Variants in ST6GALNAC3 observed in about 807,000 individuals in gnomAD.
The protein encoded by ST6GALNAC3 is ST6 N-acetylgalactosaminide alpha-2,6-sialyltransferase 3.
A neutral mutation model predicts 32.7 loss-of-function variants in ST6GALNAC3; 25 were observed. That is an observed-to-expected ratio of 0.76 (90% CI 0.56 to 1.07). The LOEUF is 1.07. Among genes scored for constraint, ST6GALNAC3 ranks in the 50% least tolerant of loss-of-function variants. ST6GALNAC3 has a pLI of 0.00. For synonymous variants in ST6GALNAC3, 129 were observed against 133.1 expected, an observed-to-expected ratio of 0.97 and a Z score of 0.21; for missense variants, 355 against 382.4, an observed-to-expected ratio of 0.93 and a Z score of 0.60.
chr1:76,431,779 C>G lies in ST6GALNAC3; in HGVS notation c.623+19362C>G, dbSNP rs188211373. Among the ~76,000 whole-genome samples the G allele has an allele frequency of 2.0e-5, 3 of 152,146 alleles. No homozygotes were observed. The South Asian group carries it at 6.2e-4, about 32-fold the overall frequency. On this transcript the variant is annotated intron_variant, in intron 3 of 4. Coordinates refer to ENST00000328299, the MANE Select transcript of ST6GALNAC3 (RefSeq NM_152996.4). ...AACTGTCTCTCGCATTATTAACATC[C>G]CCCCCGCCCAGAGTGGTACATTTGT...
chr1:76,528,792 C>G (rs990765576), intron 3 of ST6GALNAC3, among the ~76,000 whole-genome samples: 1 of 151,104 alleles, frequency 6.6e-6, no homozygotes, highest in African/African-American at 2.4e-5. Flanking sequence ...GTTCAGGTGG[C>G]TGGCAAAATC....
At chr1:76,225,029 G>A (rs1365413331) in intron 1 of ST6GALNAC3, among the ~76,000 whole-genome samples, 1 of 151,986 alleles carries the variant, frequency 6.6e-6, no homozygotes, top group Non-Finnish European at 1.5e-5. Flanking sequence ...TTGGGAACAC[G>A]AATTGAGCAG....
intron 3 of ST6GALNAC3, among the ~76,000 whole-genome samples, chr1:76,453,269 A>G (rs1404358470): frequency 2.6e-5 from 4 of 151,204 alleles, no homozygotes; most frequent in African/African-American, 9.7e-5. Context: ...TTTTGTTTCA[A>G]TTTCATTTAG....
rs1016254265 is a variant in ST6GALNAC3, at chr1:76,193,249, C to T, written c.18+118365C>T. Among the ~76,000 whole-genome samples the T allele has an allele frequency of 3.3e-5, 5 of 152,208 alleles. No homozygotes were observed. The East Asian group carries it at 9.7e-4, about 29-fold the overall frequency. ...CCTTCCTTCATGTGTAGCCACCCCA[C>T]TTCCAGTCTACATTGGGGACCCCCA... On this transcript the variant is annotated intron_variant, in intron 1 of 4. Coordinates refer to ENST00000328299, the MANE Select transcript of ST6GALNAC3 (RefSeq NM_152996.4).
chr1:76,287,052 TTGA>T (rs1229895354), intron 1 of ST6GALNAC3, among the ~76,000 whole-genome samples: 1 of 151,810 alleles, frequency 6.6e-6, no homozygotes, highest in Non-Finnish European at 1.5e-5. Flanking sequence ...TTAGAAGAAA[TTGA>T]TGATAACTTT....
At chr1:76,336,365 C>T (rs1647473610) in intron 2 of ST6GALNAC3, among the ~76,000 whole-genome samples, 1 of 152,074 alleles carries the variant, frequency 6.6e-6, no homozygotes, top group African/African-American at 2.4e-5. Flanking sequence ...ATGGAATGCC[C>T]TTAAATTTAA....
At chr1:76,466,795 A>C (rs1658662328) in intron 3 of ST6GALNAC3, among the ~76,000 whole-genome samples, 1 of 152,092 alleles carries the variant, frequency 6.6e-6, no homozygotes, top group Admixed American at 6.6e-5. Flanking sequence ...GGCAACGTTT[A>C]AAATTTTGTG....
At chr1:76,340,985 A>T (rs1399582828) in intron 2 of ST6GALNAC3, among the ~76,000 whole-genome samples, 5 of 151,876 alleles carry the variant, frequency 3.3e-5, no homozygotes, top group Admixed American at 3.3e-4. Context: ...TAATTGGATT[A>T]TCAGGTTAGA....
intron 1 of ST6GALNAC3, among the ~76,000 whole-genome samples, chr1:76,182,367 C>T (rs1175760335): frequency 1.3e-5 from 2 of 152,186 alleles, no homozygotes; most frequent in Non-Finnish European, 2.9e-5. Context: ...TTTTCTGTAG[C>T]ATGAAACTAA....
At chr1:76,614,872 C>T (rs931686970) in intron 3 of ST6GALNAC3, among the ~76,000 whole-genome samples, 1 of 151,784 alleles carries the variant, frequency 6.6e-6, no homozygotes, top group African/African-American at 2.4e-5. Context: ...GAAGCAATGC[C>T]TCTAGGGAGA....
intron 1 of ST6GALNAC3, among the ~76,000 whole-genome samples, chr1:76,115,476 G>A (rs754735089): frequency 2.6e-5 from 4 of 152,174 alleles, no homozygotes; most frequent in Admixed American, 6.5e-5. Flanking sequence ...ACATTTAACA[G>A]GAGCTGTGGG....
chr1:76,241,491 C>T (rs1656964687), intron 1 of ST6GALNAC3, among the ~76,000 whole-genome samples: 2 of 152,150 alleles, frequency 1.3e-5, no homozygotes, highest in African/African-American at 4.8e-5. Context: ...CTCACCCTTT[C>T]CCTTCCCCAG....
intron 1 of ST6GALNAC3, among the ~76,000 whole-genome samples, chr1:76,131,218 C>T (rs903421183): frequency 1.3e-5 from 2 of 152,216 alleles, no homozygotes; most frequent in Non-Finnish European, 2.9e-5. Flanking sequence ...GTCCTTGAAT[C>T]TTATCTGGAT....
chr1:76,435,849 TTC>T, intron 3 of ST6GALNAC3, among the ~76,000 whole-genome samples: 1 of 123,252 alleles, frequency 8.1e-6, no homozygotes, highest in African/African-American at 3.0e-5. Context: ...CTTCAATCTT[TTC>T]TTTTTTTATT....
intron 3 of ST6GALNAC3, among the ~76,000 whole-genome samples, chr1:76,484,079 A>G (rs1659929212): frequency 6.6e-6 from 1 of 152,160 alleles, no homozygotes; most frequent in East Asian, 1.9e-4. Context: ...CCATTAGTCT[A>G]TATGTCTGTT....
intron 2 of ST6GALNAC3, among the ~76,000 whole-genome samples, chr1:76,366,449 T>C (rs1388239923): frequency 6.6e-6 from 1 of 152,126 alleles, no homozygotes; most frequent in Non-Finnish European, 1.5e-5. Flanking sequence ...GAAAAAACAT[T>C]AAGAATTGAA....
chr1:76,517,487 G>A lies in ST6GALNAC3; in HGVS notation c.623+105070G>A, dbSNP rs947027679. ...AGATTTTATTTATTCTTGCAGAGTC[G>A]CCTTTTGCTGTGATTAATCAAGCCA... On this transcript the variant is annotated intron_variant, in intron 3 of 4. Coordinates refer to ENST00000328299, the MANE Select transcript of ST6GALNAC3 (RefSeq NM_152996.4). 6.6e-5 allele frequency among the ~76,000 whole-genome samples: 10 copies of A among 151,524 alleles called. No homozygotes were observed. In the South Asian group the frequency reaches 1.7e-3, roughly 25 times the overall value.
At chr1:76,460,038 T>A (rs1397601321) in intron 3 of ST6GALNAC3, among the ~76,000 whole-genome samples, 1 of 152,196 alleles carries the variant, frequency 6.6e-6, no homozygotes, top group African/African-American at 2.4e-5. Context: ...AGTCTATGTT[T>A]AATTTATTGA....
At chr1:76,319,350 C>T (rs761220188) in intron 2 of ST6GALNAC3, among the ~76,000 whole-genome samples, 31 of 152,192 alleles carry the variant, frequency 2.0e-4, no homozygotes, top group Non-Finnish European at 2.1e-4. Flanking sequence ...AAAATGAGAA[C>T]GTTTTAAAAC....
Sources: gnomAD v4.1 joint callset for allele counts (sites outside exome capture counted in the v4.1 genomes callset) on GRCh38, gnomAD v4.1.1 for gene constraint, MANE v1.5 for transcripts, NCBI Gene and HGNC (gene_info 2026-07-23, HGNC 2026-07-21) for gene names.